TNC: variants seen among roughly 807,000 people sequenced by gnomAD.
TNC encodes the protein tenascin.
In TNC, 109 loss-of-function variants were observed where a neutral mutation model predicts 202.4. The observed-to-expected ratio is 0.54, with a 90% CI of 0.46 to 0.63. The LOEUF is 0.63. Ranked by LOEUF, TNC falls within the 30% of genes least tolerant of loss-of-function variation. The probability of loss-of-function intolerance (pLI) is 0.00; values close to 1 mark genes in which losing one functional copy is unlikely to be tolerated. For missense variants in TNC, 2,756 were observed against 2,833.3 expected (o/e 0.97, Z 0.62); for synonymous variants, 1,007 against 1,089.7 (o/e 0.92, Z 1.50).
chr9:115,058,145 T>C (rs924925460), intron 14 of TNC, among the ~76,000 whole-genome samples: 1 of 152,242 alleles, frequency 6.6e-6, no homozygotes, highest in Non-Finnish European at 1.5e-5. Context: ...CAAGGCAGTT[T>C]AGGCCATCCC....
chr9:115,079,468 T>C (rs1166408865), intron 6 of TNC, among the ~76,000 whole-genome samples: 2 of 152,182 alleles, frequency 1.3e-5, no homozygotes, highest in Non-Finnish European at 2.9e-5. Context: ...TGTGTTCTTA[T>C]AGGTGCTAGC....
chr9:115,116,988 T>G (rs1028226262), intron 1 of TNC, among the ~76,000 whole-genome samples: 1 of 152,222 alleles, frequency 6.6e-6, no homozygotes, highest in Non-Finnish European at 1.5e-5. Context: ...ACAATGATTA[T>G]CCAAACTTCC....
At chr9:115,095,339 C>T (rs2133829760) in intron 1 of TNC, among the ~76,000 whole-genome samples, 1 of 151,368 alleles carries the variant, frequency 6.6e-6, no homozygotes, top group Admixed American at 6.6e-5. Context: ...CCTTTGAAAC[C>T]CCTACTTTGG....
chr9:115,074,247 A>T (rs1379704144), intron 9 of TNC, among the ~76,000 whole-genome samples: 1 of 152,244 alleles, frequency 6.6e-6, no homozygotes, highest in Non-Finnish European at 1.5e-5. Flanking sequence ...ATTGCTATGC[A>T]CTGAATGTCT....
chr9:115,021,249 A>AGT lies in TNC; in HGVS notation c.6512_6513dup (p.Trp2172ThrfsTer14). On this transcript the variant is annotated frameshift_variant, in exon 28 of 28. Coordinates refer to ENST00000350763, the MANE Select transcript of TNC (RefSeq NM_002160.4). LOFTEE classifies it high-confidence loss of function. ...TGGATTGAGTGTTCGTGGCCCTTCC[A>AGT]GTGGAACCAGTTAACGCCCTGTTAA... 1.9e-6 allele frequency: 3 copies of AGT among 1,611,458 alleles called. No homozygotes were observed. Among genetic ancestry groups the AGT allele is most frequent in the Non-Finnish European group, 2.5e-6 (3 of 1,179,032 alleles).
rs1829520977 is a variant in TNC, at chr9:115,026,797, C to T, written c.6170-102G>A. The T allele has an allele frequency of 7.8e-6, 8 of 1,029,036 alleles. No individual in the cohort carries two copies. In the Admixed American group the frequency reaches 1.8e-4, roughly 23 times the overall value. 63.7% of individuals were successfully genotyped at this position (1,029,036 alleles called of 1,614,324 possible). ...GCAACTGGGTACACTTAAGACAGGG[C>T]CAACTGGGCCCAGTGGCTCATGCCT... On this transcript the variant is annotated intron_variant, in intron 25 of 27. Transcript: ENST00000350763.
chr9:115,037,927 G>GATTTTAGATTC (rs1163216503), intron 20 of TNC, among the ~76,000 whole-genome samples: 2 of 152,210 alleles, frequency 1.3e-5, no homozygotes, highest in East Asian at 1.9e-4. Flanking sequence ...GTCTGGTTAA[G>GATTTTAGATTC]ATTTTAGATT....
At chr9:115,079,857 C>T (rs577900007) in intron 6 of TNC, among the ~76,000 whole-genome samples, 34 of 152,210 alleles carry the variant, frequency 2.2e-4, no homozygotes, top group Non-Finnish European at 4.4e-4. Context: ...AAGTATAATA[C>T]CACCTTTATA....
At position 115,095,608 on chromosome 9, in the gene TNC, G is replaced by GTA. The variant is rs1445163214; in HGVS notation, c.-136-4456_-136-4455dup. The stretch of plus-strand genomic sequence containing the variant: ...TATGTATATATATGTATATATATAT[G>GTA]TATATATGTATATATATATGTATAT... On this transcript the variant is annotated intron_variant, in intron 1 of 27. Transcript: ENST00000350763. 3.2e-3 allele frequency among the ~76,000 whole-genome samples: 5 copies of GTA among 1,560 alleles called. 1 individual carries two copies. The highest frequency in any genetic ancestry group is 0.011 in the African/African-American group (5 of 446). The allele number at this position is 1,560 out of a possible 152,430, so 1.0% of individuals were successfully genotyped here.
intron 1 of TNC, among the ~76,000 whole-genome samples, chr9:115,111,945 TCA>T (rs1446458076): frequency 5.9e-5 from 9 of 151,992 alleles, no homozygotes; most frequent in Non-Finnish European, 1.3e-4. Context: ...GACAATAACC[TCA>T]TGAGAGACCA....
chr9:115,083,917 T>G (rs1834506715), intron 4 of TNC, among the ~76,000 whole-genome samples: 1 of 152,194 alleles, frequency 6.6e-6, no homozygotes, highest in Admixed American at 6.5e-5. Flanking sequence ...ATGAGGACTC[T>G]TATACTAATA....
At chr9:115,046,009 G>A (rs747470726) in intron 17 of TNC, among the ~76,000 whole-genome samples, 1 of 151,838 alleles carries the variant, frequency 6.6e-6, no homozygotes, top group African/African-American at 2.4e-5. Context: ...AAAATGATGA[G>A]ATATGATATG....
rs1834006766 is a variant in TNC at position 115,077,979 on chromosome 9, T to C, written c.2638A>G (p.Met880Val). 2 of 1,614,214 alleles carry C rather than the reference T, an allele frequency of 1.2e-6. No individual in the cohort carries two copies. The highest frequency in any genetic ancestry group is 2.2e-5 in the East Asian group (1 of 44,892). The change falls in exon 7 of 28, where the codon ATG (methionine) becomes GTG (valine). Residue 880 changes from methionine (M) to valine (V), a missense_variant. Physicochemically the swap from Met to Val is conservative, Grantham distance 21 (BLOSUM62 1). This residue lies in a region of TNC where 2,559 missense variants were observed against 2,546.0 expected (regional missense o/e 1.01). Coordinates refer to ENST00000350763, the MANE Select transcript of TNC (RefSeq NM_002160.4). ...EVSLISRRGD[M>V]SSNPAKETFT... ...GTCTCTTTGGCTGGGTTGCTTGACA[T>C]GTCACCTCTGCGGGAGATGAGGGAC...
chr9:115,069,269 A>G (rs1442927676), intron 10 of TNC, among the ~76,000 whole-genome samples: 16 of 152,176 alleles, frequency 1.1e-4, no homozygotes, highest in Admixed American at 9.8e-4. Context: ...TTGCTATGAA[A>G]ATATGCTTTG....
rs140714566 is a variant in TNC, at chr9:115,081,114, T to A, written c.2404+658A>T. Among the ~76,000 whole-genome samples the A allele has an allele frequency of 3.6e-3, 544 of 152,290 alleles. 2 individuals carry two copies. The highest frequency in any genetic ancestry group is 5.6e-3 in the Non-Finnish European group (381 of 68,020). On this transcript the variant is annotated intron_variant, in intron 6 of 27. Coordinates refer to ENST00000350763, the MANE Select transcript of TNC (RefSeq NM_002160.4). ...GTTAGTGGAAATGGGGTTAAAGTTA[T>A]AAAACTTACCCTGGCTTAAAGTTAT...
At chr9:115,029,891 C>T (rs970503785) in intron 24 of TNC, among the ~76,000 whole-genome samples, 2 of 152,180 alleles carry the variant, frequency 1.3e-5, no homozygotes, top group Admixed American at 6.5e-5. Context: ...CGGAATAATT[C>T]ATCTTAAACT....
intron 1 of TNC, among the ~76,000 whole-genome samples, chr9:115,095,934 A>C (rs1835758504): frequency 6.6e-6 from 1 of 152,112 alleles, no homozygotes; most frequent in African/African-American, 2.4e-5. Flanking sequence ...TAGTCTTTGC[A>C]TTGGCACAAA....
rs75198247 is a variant in TNC, at chr9:115,023,986, T to C, written c.6482A>G (p.Asn2161Ser). 9.6e-4 allele frequency: 1,549 copies of C among 1,613,826 alleles called. 10 individuals carry two copies. In the African/African-American group the frequency reaches 0.019, roughly 20 times the overall value. The change falls in exon 27 of 28, where the codon AAT (asparagine) becomes AGT (serine). Residue 2161 changes from asparagine to serine, a missense_variant. Transcript: ENST00000350763. Reference protein sequence around the residue: ...RVNLMGRYGDNNHSQGVNWFH... With the variant: ...RVNLMGRYGDSNHSQGVNWFH... ...CGGTCCACTCACCTGACTGTGGTTA[T>C]TGTCCCCATATCTCCCCATCAGGTT... is the stretch of plus-strand genomic sequence containing the variant.
intron 23 of TNC, 130 bp downstream of exon 23, chr9:115,031,423 G>T (rs1829937210): frequency 9.4e-7 from 1 of 1,062,638 alleles, no homozygotes; most frequent in Non-Finnish European, 1.3e-6. Flanking sequence ...AGGCTTCCAA[G>T]TAGTAGCAGT....
Sources: gnomAD v4.1 joint callset for allele counts (sites outside exome capture counted in the v4.1 genomes callset) on GRCh38, gnomAD v4.1.1 for gene constraint, gnomAD v4.1.1 regional missense constraint, MANE v1.5 for transcripts, NCBI Gene and HGNC (gene_info 2026-07-23, HGNC 2026-07-21) for gene names.